Variants in LHFPL5 observed in about 807,000 individuals in gnomAD.
LHFPL5 encodes LHFPL tetraspan subfamily member 5, also known as LHFPL tetraspan subfamily member 5 protein.
LHFPL5 carries 12 observed loss-of-function variants against 18.7 expected under a neutral mutation model. The observed-to-expected ratio is 0.64, with a 90% CI of 0.41 to 1.04. LHFPL5 has a LOEUF of 1.04. LHFPL5 is among the 50% of genes least tolerant of loss of function. LHFPL5 has a pLI of 0.00. For missense variants in LHFPL5, 259 were observed against 292.1 expected (o/e 0.89, Z 0.83); for synonymous variants, 111 against 120.2 (o/e 0.92, Z 0.50).
At chr6:35,815,951 C>G (rs910984652) in intron 2 of LHFPL5, among the ~76,000 whole-genome samples, 2 of 152,244 alleles carry the variant, frequency 1.3e-5, no homozygotes, top group African/African-American at 2.4e-5. Flanking sequence ...GTGGGTGGAT[C>G]ATGAGGTCAA....
At chr6:35,808,564 C>CACAT (rs1768610373) in intron 1 of LHFPL5, among the ~76,000 whole-genome samples, 2 of 87,268 alleles carry the variant, frequency 2.3e-5, no homozygotes, top group Non-Finnish European at 2.3e-5. Context: ...TCATTTTATA[C>CACAT]ATATATATAT....
At chr6:35,807,165 G>A (rs1024943883) in intron 1 of LHFPL5, among the ~76,000 whole-genome samples, 7 of 152,080 alleles carry the variant, frequency 4.6e-5, no homozygotes, top group Admixed American at 1.3e-4. Flanking sequence ...TGGGCACAGC[G>A]GCTCACACCT....
chr6:35,820,236 T>C (rs1371732495), intron 3 of LHFPL5, among the ~76,000 whole-genome samples: 1 of 152,136 alleles, frequency 6.6e-6, no homozygotes, highest in Non-Finnish European at 1.5e-5. Context: ...ATTACTGTCT[T>C]GAGTATTAAA....
Position 35,807,108 on chromosome 6 carries a change from G to A in LHFPL5, c.412+1026G>A, listed in dbSNP as rs563715848. On this transcript the variant is annotated intron_variant, in intron 1 of 3. Coordinates refer to ENST00000360215, the MANE Select transcript of LHFPL5 (RefSeq NM_182548.4). ...CTCCCAAAGTGTTGGGATTTCAGAT[G>A]TGATCCACAGCACCTGGCCTAGGGT... Among the ~76,000 whole-genome samples, 190 of 152,180 alleles carry A rather than the reference G, an allele frequency of 1.2e-3. 1 individual carries two copies. Among genetic ancestry groups the A allele is most frequent in the Non-Finnish European group, 2.1e-3 (144 of 68,012 alleles).
intron 1 of LHFPL5, among the ~76,000 whole-genome samples, chr6:35,808,830 CATCT>C (rs1768618837): frequency 6.6e-6 from 1 of 151,676 alleles, no homozygotes; most frequent in Non-Finnish European, 1.5e-5. Context: ...GTTGACAGGC[CATCT>C]GAGTCAGACA....
At chr6:35,811,590 G>A (rs908622596) in intron 1 of LHFPL5, among the ~76,000 whole-genome samples, 5 of 152,224 alleles carry the variant, frequency 3.3e-5, no homozygotes, top group Admixed American at 6.5e-5. Flanking sequence ...CCAGGTCAGA[G>A]GCCCTGGGCT....
chr6:35,815,064 G>A (rs546496054), intron 2 of LHFPL5, among the ~76,000 whole-genome samples: 2 of 152,296 alleles, frequency 1.3e-5, no homozygotes, highest in Admixed American at 1.3e-4. Context: ...GGGGCTAAGT[G>A]TGGTCTCCCC....
chr6:35,809,602 C>T (rs1325436086), intron 1 of LHFPL5, among the ~76,000 whole-genome samples: 4 of 152,190 alleles, frequency 2.6e-5, no homozygotes, highest in Non-Finnish European at 1.5e-5. Context: ...CTCCCAGGCT[C>T]AAGTGATCCT....
intron 3 of LHFPL5, chr6:35,819,889 G>C (rs1010754266): frequency 3.6e-5 from 9 of 246,708 alleles, no homozygotes; most frequent in African/African-American, 2.0e-4. Flanking sequence ...GTGTTAGCCA[G>C]GATGGTCTCC....
At position 35,806,012 on chromosome 6, in the gene LHFPL5, C is replaced by T; in HGVS notation, c.342C>T (p.Cys114=). The change falls in exon 1 of 4, where the codon TGC becomes TGT. Residue 114 remains cysteine (C), a synonymous_variant. Transcript: ENST00000360215. ...GMFLIIGSII[C]FSLFFICNTA... is the part of the protein sequence containing the mutation. ...TCCTCATCATTGGCTCCATCATCTGCTTCAGCCTGTTCTTCATCTGCAACA... is the reference window on the plus strand; with the variant it reads ...TCCTCATCATTGGCTCCATCATCTGTTTCAGCCTGTTCTTCATCTGCAACA... The T allele has an allele frequency of 1.2e-6, 2 of 1,614,230 alleles. No homozygotes were observed. The highest frequency in any genetic ancestry group is 1.7e-6 in the Non-Finnish European group (2 of 1,180,046).
chr6:35,806,002 C>T lies in LHFPL5; in HGVS notation c.332C>T (p.Ser111Phe), dbSNP rs766470245. 1.9e-6 allele frequency: 3 copies of T among 1,614,254 alleles called. No homozygotes were observed. In the Admixed American group the frequency reaches 5.0e-5, roughly 27 times the overall value. ...VALGMFLIIGSIICFSLFFIC... is the reference protein window; with the variant it reads ...VALGMFLIIGFIICFSLFFIC... ...TTGGGCATGTTCCTCATCATTGGCT[C>T]CATCATCTGCTTCAGCCTGTTCTTC... The change falls in exon 1 of 4, where the codon TCC (serine) becomes TTC (phenylalanine). Residue 111 changes from serine to phenylalanine, a missense_variant. Transcript: ENST00000360215.
chr6:35,812,169 A>G lies in LHFPL5; in HGVS notation c.413-2377A>G, dbSNP rs115776172. On this transcript the variant is annotated intron_variant, in intron 1 of 3. Transcript: ENST00000360215. ...AGAACTATCTAAATAAGCTTCTCCTAAAAAAGATCAAAGGAAGCGTGATAC... is the reference window on the plus strand; with the variant it reads ...AGAACTATCTAAATAAGCTTCTCCTGAAAAAGATCAAAGGAAGCGTGATAC... Among the ~76,000 whole-genome samples, 1,347 of 152,332 alleles carry G rather than the reference A, an allele frequency of 8.8e-3. 14 individuals carry two copies. Among genetic ancestry groups the G allele is most frequent in the Middle Eastern group, 0.027 (8 of 294 alleles).
chr6:35,806,551 C>A (rs902475339), intron 1 of LHFPL5, among the ~76,000 whole-genome samples: 1 of 152,140 alleles, frequency 6.6e-6, no homozygotes, highest in Non-Finnish European at 1.5e-5. Context: ...CACCTCTGGG[C>A]TTTTGTTCTT....
chr6:35,805,853 C>A lies in LHFPL5; in HGVS notation c.183C>A (p.Tyr61Ter). 1 of 1,614,260 alleles carries A rather than the reference C, an allele frequency of 6.2e-7. No individual in the cohort carries two copies. Residue 61 changes from tyrosine (Y) to a stop codon, truncating the protein, a stop_gained, in exon 1 of 4, where the codon TAC becomes TAA. Transcript: ENST00000360215. LOFTEE classifies it high-confidence loss of function. The surrounding 1 kb of genome is among the most constrained non-coding windows in gnomAD (Gnocchi z 4.3). ...GCGTCAACACACCGCAGGCAGGCTA[C>A]TTCGGCCTTTTCTCCTACTGCGTGG... ...GDSVNTPQAG[Y>*]FGLFSYCVGN... is the part of the protein sequence containing the mutation.
intron 3 of LHFPL5, among the ~76,000 whole-genome samples, chr6:35,820,727 G>T (rs533836255): frequency 8.0e-5 from 11 of 136,896 alleles, no homozygotes; most frequent in Non-Finnish European, 1.6e-5. Context: ...AAATAAAATA[G>T]AATAAAATAA....
chr6:35,816,224 T>C (rs1768757443), intron 2 of LHFPL5, among the ~76,000 whole-genome samples: 1 of 146,476 alleles, frequency 6.8e-6, no homozygotes, highest in Non-Finnish European at 1.5e-5. Context: ...CTCGCAGCTG[T>C]AGTCCCAGCT....
At chr6:35,821,638 C>T (rs1345320888) in intron 3 of LHFPL5, among the ~76,000 whole-genome samples, 2 of 151,720 alleles carry the variant, frequency 1.3e-5, no homozygotes, top group East Asian at 3.9e-4. Context: ...TGCGCCACCA[C>T]ACCCGGCTAA....
chr6:35,807,907 C>G (rs1768597691), intron 1 of LHFPL5, among the ~76,000 whole-genome samples: 1 of 152,154 alleles, frequency 6.6e-6, no homozygotes, highest in South Asian at 2.1e-4. Context: ...AGCCCCAGCA[C>G]AACCCATTGA....
At chr6:35,808,297 TTATA>T (rs143892427) in intron 1 of LHFPL5, among the ~76,000 whole-genome samples, 2 of 142,104 alleles carry the variant, frequency 1.4e-5, no homozygotes, top group African/African-American at 5.2e-5. Context: ...TATCTCTATT[TTATA>T]TATATATATA....
Sources: gnomAD v4.1 joint callset for allele counts (sites outside exome capture counted in the v4.1 genomes callset) on GRCh38, gnomAD v4.1.1 for gene constraint, Gnocchi (gnomAD v3.1) non-coding constraint, MANE v1.5 for transcripts, NCBI Gene and HGNC (gene_info 2026-07-23, HGNC 2026-07-21) for gene names.